STPG2: variants seen among roughly 807,000 people sequenced by gnomAD.
STPG2 encodes the protein sperm tail PG-rich repeat containing 2.
A neutral mutation model predicts 54.2 loss-of-function variants in STPG2; 56 were observed. That is an observed-to-expected ratio of 1.03 (90% CI 0.83 to 1.29). The LOEUF is 1.29. STPG2 is among the 50% of genes most tolerant of loss of function. STPG2 has a pLI of 0.00. For missense variants in STPG2, 596 were observed against 544.9 expected (o/e 1.09, Z -0.93); for synonymous variants, 200 against 181.8 (o/e 1.10, Z -0.81).
chr4:97,478,682 G>T (rs903179462), intron 4 of STPG2, among the ~76,000 whole-genome samples: 1 of 151,598 alleles, frequency 6.6e-6, no homozygotes, highest in Non-Finnish European at 1.5e-5. Context: ...AGTTTGTTAG[G>T]TTTTCTCTTT....
At chr4:97,738,162 G>A (rs1014631869) in intron 9 of STPG2, among the ~76,000 whole-genome samples, 3 of 152,254 alleles carry the variant, frequency 2.0e-5, no homozygotes, top group African/African-American at 7.2e-5. Flanking sequence ...AGGAAATGCT[G>A]AGAGATTTTG....
intron 5 of STPG2, among the ~76,000 whole-genome samples, chr4:98,062,494 T>C (rs1312081405): frequency 1.3e-5 from 2 of 152,114 alleles, no homozygotes; most frequent in Non-Finnish European, 2.9e-5. Flanking sequence ...GGAATAAAGA[T>C]ATAATAGTCG....
chr4:97,563,674 T>C (rs1044085329), intron 10 of STPG2, among the ~76,000 whole-genome samples: 4 of 152,332 alleles, frequency 2.6e-5, no homozygotes, highest in Middle Eastern at 6.8e-3. Flanking sequence ...ACATCTTTAT[T>C]TCTGCCTTCA....
chr4:97,447,670 G>C (rs1478975024), intron 4 of STPG2, among the ~76,000 whole-genome samples: 1 of 152,228 alleles, frequency 6.6e-6, no homozygotes, highest in Non-Finnish European at 1.5e-5. Context: ...GTGCATACAA[G>C]TCAGGAATTG....
intron 10 of STPG2, among the ~76,000 whole-genome samples, chr4:97,575,468 T>A (rs1732700807): frequency 6.6e-6 from 1 of 152,120 alleles, no homozygotes; most frequent in African/African-American, 2.4e-5. Context: ...TGGTCCGACA[T>A]ATACAAGTCA....
chr4:97,458,721 T>G (rs1317805253), intron 4 of STPG2, among the ~76,000 whole-genome samples: 1 of 152,162 alleles, frequency 6.6e-6, no homozygotes, highest in Non-Finnish European at 1.5e-5. Context: ...GATAATGACC[T>G]GTTAACTTTT....
At chr4:98,045,275 C>T (rs1967980) in intron 5 of STPG2, among the ~76,000 whole-genome samples, 3 of 151,904 alleles carry the variant, frequency 2.0e-5, no homozygotes, top group East Asian at 3.9e-4. Context: ...CTCCACTGCA[C>T]GCTGGTTTTA....
chr4:97,691,918 G>A (rs907670712), intron 10 of STPG2, among the ~76,000 whole-genome samples: 1 of 152,112 alleles, frequency 6.6e-6, no homozygotes, highest in African/African-American at 2.4e-5. Flanking sequence ...TAGCTTGACT[G>A]TGTGGTTAGA....
intron 9 of STPG2, among the ~76,000 whole-genome samples, chr4:97,790,089 C>G (rs1726945975): frequency 2.0e-5 from 3 of 152,118 alleles, no homozygotes; most frequent in African/African-American, 7.2e-5. Context: ...ATTTATGTCT[C>G]TATTTGCTTT....
intron 7 of STPG2, among the ~76,000 whole-genome samples, chr4:97,960,397 G>A (rs2149247530): frequency 6.6e-6 from 1 of 152,204 alleles, no homozygotes; most frequent in African/African-American, 2.4e-5. Context: ...TTGGTAAAGA[G>A]AAAATAAAAC....
intron 8 of STPG2, among the ~76,000 whole-genome samples, chr4:97,858,686 A>G (rs906401477): frequency 6.6e-6 from 1 of 152,158 alleles, no homozygotes; most frequent in Non-Finnish European, 1.5e-5. Flanking sequence ...CACCTAGAAT[A>G]ATGATCACCA....
chr4:97,632,023 T>C (rs189152056), intron 10 of STPG2, among the ~76,000 whole-genome samples: 135 of 152,132 alleles, frequency 8.9e-4, no homozygotes, highest in African/African-American at 3.2e-3. Flanking sequence ...ATTAATAAAG[T>C]ATATCACATA....
intron 9 of STPG2, among the ~76,000 whole-genome samples, chr4:97,813,574 G>A (rs1224469559): frequency 1.3e-5 from 2 of 148,538 alleles, no homozygotes; most frequent in Non-Finnish European, 3.0e-5. Context: ...AGATGCAGTG[G>A]TGCATGCCTA....
chr4:97,635,566 AC>A (rs1182928879), intron 10 of STPG2, among the ~76,000 whole-genome samples: 1 of 152,190 alleles, frequency 6.6e-6, no homozygotes, highest in Non-Finnish European at 1.5e-5. Context: ...AAGAGTCAAG[AC>A]CCATCAGTGT....
intron 3 of STPG2, among the ~76,000 whole-genome samples, chr4:98,115,433 T>C (rs899750707): frequency 6.6e-6 from 1 of 151,986 alleles, no homozygotes; most frequent in African/African-American, 2.4e-5. Context: ...TCATTCAAAA[T>C]GTTATATAAA....
chr4:97,784,935 A>G (rs1169207797), intron 9 of STPG2, among the ~76,000 whole-genome samples: 1 of 151,996 alleles, frequency 6.6e-6, no homozygotes, highest in Non-Finnish European at 1.5e-5. Context: ...ATCTTTCTGT[A>G]TCTCTTCAAA....
At chr4:97,850,017 A>C (rs1166869670) in intron 8 of STPG2, among the ~76,000 whole-genome samples, 1 of 151,756 alleles carries the variant, frequency 6.6e-6, no homozygotes, top group Non-Finnish European at 1.5e-5. Context: ...ACTTGGAACC[A>C]ACCCAAATGT....
intron 7 of STPG2, among the ~76,000 whole-genome samples, chr4:97,969,553 T>A (rs927435404): frequency 2.0e-5 from 3 of 152,158 alleles, no homozygotes; most frequent in African/African-American, 7.2e-5. Context: ...GACCTGCCGA[T>A]CCACCTGGGA....
intron 3 of STPG2, among the ~76,000 whole-genome samples, chr4:98,119,137 TTTAGTC>T (rs1350285553): frequency 6.6e-6 from 1 of 152,128 alleles, no homozygotes; most frequent in Non-Finnish European, 1.5e-5. Context: ...GAAATATCTA[TTTAGTC>T]TTAAAGTAAT....
Sources: allele counts gnomAD v4.1 joint callset (sites outside exome capture counted in the v4.1 genomes callset), GRCh38; gene constraint gnomAD v4.1.1; transcripts MANE v1.5; gene names NCBI Gene and HGNC (gene_info 2026-07-23, HGNC 2026-07-21).